Variants in CTNNA3 observed in about 807,000 individuals in gnomAD.
The protein encoded by CTNNA3 is catenin alpha-3.
A neutral mutation model predicts 95.7 loss-of-function variants in CTNNA3; 76 were observed. That is an observed-to-expected ratio of 0.79 (90% CI 0.66 to 0.96). The LOEUF (loss-of-function observed/expected upper bound fraction) is 0.96. Ranked by LOEUF, CTNNA3 falls within the 40% of genes least tolerant of loss-of-function variation. CTNNA3 has a pLI of 0.00. For synonymous variants in CTNNA3, 431 were observed against 374.4 expected (o/e 1.15, Z -1.74); for missense variants, 1,191 against 1,089.8 (o/e 1.09, Z -1.31).
chr10:66,435,800 T>C (rs565215669), intron 11 of CTNNA3, among the ~76,000 whole-genome samples: 1 of 152,318 alleles, frequency 6.6e-6, no homozygotes, highest in Non-Finnish European at 1.5e-5. Context: ...TTTCCTGCTT[T>C]CTCCTGTGGG....
intron 17 of CTNNA3, among the ~76,000 whole-genome samples, chr10:65,929,241 T>C (rs2077213762): frequency 6.6e-6 from 1 of 151,570 alleles, no homozygotes; most frequent in Non-Finnish European, 1.5e-5. Context: ...TTCCATGGTG[T>C]ATATGTGCCA....
intron 3 of CTNNA3, among the ~76,000 whole-genome samples, chr10:67,547,053 G>A (rs1262765342): frequency 6.6e-6 from 1 of 151,996 alleles, no homozygotes; most frequent in Non-Finnish European, 1.5e-5. Context: ...AAGCACTATG[G>A]GGTATACAAC....
intron 7 of CTNNA3, among the ~76,000 whole-genome samples, chr10:67,135,664 G>C (rs1427930165): frequency 6.6e-6 from 1 of 152,034 alleles, no homozygotes; most frequent in African/African-American, 2.4e-5. Context: ...GACAGAGTGA[G>C]ATCATGTGTC....
chr10:66,994,693 G>T (rs2132949799), intron 7 of CTNNA3, among the ~76,000 whole-genome samples: 1 of 152,210 alleles, frequency 6.6e-6, no homozygotes, highest in East Asian at 1.9e-4. Context: ...AACATTTCAA[G>T]TTATGATTAA....
intron 3 of CTNNA3, among the ~76,000 whole-genome samples, chr10:67,577,488 C>A (rs1056947802): frequency 2.6e-5 from 4 of 152,066 alleles, no homozygotes; most frequent in African/African-American, 9.7e-5. Context: ...CCTGTTCACT[C>A]TGATGGTAGT....
chr10:66,801,633 CT>C (rs1444748723), intron 7 of CTNNA3, among the ~76,000 whole-genome samples: 2 of 151,524 alleles, frequency 1.3e-5, no homozygotes, highest in African/African-American at 4.8e-5. Flanking sequence ...TCCCTATGCC[CT>C]ATGCATGTAT....
chr10:67,643,252 A>AT (rs1839598582), intron 2 of CTNNA3, among the ~76,000 whole-genome samples: 1 of 152,094 alleles, frequency 6.6e-6, no homozygotes, highest in Non-Finnish European at 1.5e-5. Flanking sequence ...GTTCTCACTT[A>AT]TAAGTGGGAG....
chr10:66,946,917 T>G (rs1564787021), intron 7 of CTNNA3, among the ~76,000 whole-genome samples: 2 of 152,182 alleles, frequency 1.3e-5, no homozygotes, highest in Non-Finnish European at 2.9e-5. Flanking sequence ...CTACAGTCTC[T>G]TTTCTTGGCG....
At chr10:67,751,197 C>T in intron 1 of CTNNA3, 1 of 1,281,958 alleles carries the variant, frequency 7.8e-7, no homozygotes, top group Non-Finnish European at 1.1e-6. Context: ...GCAATCCTCT[C>T]ATTTGGAGGA....
At chr10:67,323,810 A>G (rs981984041) in intron 5 of CTNNA3, among the ~76,000 whole-genome samples, 5 of 152,150 alleles carry the variant, frequency 3.3e-5, no homozygotes, top group African/African-American at 1.2e-4. Flanking sequence ...TGGCCATTTT[A>G]ACAACATTGA....
At chr10:66,815,364 T>C (rs974176356) in intron 7 of CTNNA3, among the ~76,000 whole-genome samples, 24 of 152,152 alleles carry the variant, frequency 1.6e-4, no homozygotes, top group Non-Finnish European at 3.2e-4. Flanking sequence ...AAACAAACAA[T>C]TCACTTCGCT....
intron 17 of CTNNA3, among the ~76,000 whole-genome samples, chr10:65,924,188 C>T (rs1364947305): frequency 2.0e-5 from 3 of 152,134 alleles, no homozygotes; most frequent in Non-Finnish European, 4.4e-5. Flanking sequence ...TTAGTATATT[C>T]TTTCCCATGT....
intron 7 of CTNNA3, among the ~76,000 whole-genome samples, chr10:67,064,974 A>C (rs1167759081): frequency 6.6e-6 from 1 of 152,144 alleles, no homozygotes; most frequent in Non-Finnish European, 1.5e-5. Context: ...CCCTCCTTGG[A>C]GTTATAAAAG....
intron 17 of CTNNA3, among the ~76,000 whole-genome samples, 189 bp downstream of exon 17, chr10:65,966,423 C>A (rs558601618): frequency 6.6e-6 from 1 of 152,140 alleles, no homozygotes; most frequent in Non-Finnish European, 1.5e-5. Context: ...ACATTTTTAA[C>A]CTTTCTTTAA....
At chr10:66,618,665 C>T (rs1007580581) in intron 10 of CTNNA3, among the ~76,000 whole-genome samples, 1 of 152,106 alleles carries the variant, frequency 6.6e-6, no homozygotes, top group Non-Finnish European at 1.5e-5. Context: ...GACTTCATGT[C>T]TAAAACACCT....
chr10:67,093,209 C>A (rs565675033), intron 7 of CTNNA3, among the ~76,000 whole-genome samples: 47 of 151,918 alleles, frequency 3.1e-4, no homozygotes, highest in African/African-American at 9.9e-4. Flanking sequence ...GAAGCAAATG[C>A]CTTATTAGAT....
upstream of CTNNA3, among the ~76,000 whole-genome samples, chr10:67,700,842 A>T (rs1841033222): frequency 6.6e-6 from 1 of 152,206 alleles, no homozygotes; most frequent in South Asian, 2.1e-4. Context: ...TACAGGAGGA[A>T]ATTCAAACCA....
intron 11 of CTNNA3, among the ~76,000 whole-genome samples, chr10:66,447,680 T>A (rs1024704975): frequency 6.6e-6 from 1 of 152,136 alleles, no homozygotes; most frequent in Non-Finnish European, 1.5e-5. Context: ...TAATTCAAGA[T>A]GGATTAAAGA....
In CTNNA3 at chr10:66,841,710, A is replaced by G. The variant is rs117608975; in HGVS notation, c.1048-66186T>C. Reference sequence around the variant, plus strand: ...CATTCTCTATGTAATGAGTGAATAAAGCATTTCAAATCAATAATCATGCAC... The same window carrying G: ...CATTCTCTATGTAATGAGTGAATAAGGCATTTCAAATCAATAATCATGCAC... On this transcript the variant is annotated intron_variant, in intron 7 of 17. Coordinates refer to ENST00000433211, the MANE Select transcript of CTNNA3 (RefSeq NM_013266.4). 1.0e-3 allele frequency among the ~76,000 whole-genome samples: 155 copies of G among 152,372 alleles called. 2 individuals are homozygous for G. In the East Asian group the frequency reaches 0.026, roughly 26 times the overall value.
Sources: allele counts gnomAD v4.1 joint callset (sites outside exome capture counted in the v4.1 genomes callset), GRCh38; gene constraint gnomAD v4.1.1; transcripts MANE v1.5; gene names NCBI Gene and HGNC (gene_info 2026-07-23, HGNC 2026-07-21).